The following KCNQ4 variants were observed in gnomAD, a reference collection of about 807,000 sequenced individuals.
KCNQ4 encodes potassium voltage-gated channel subfamily Q member 4, also known as potassium voltage-gated channel subfamily KQT member 4.
In KCNQ4, 31 loss-of-function variants were observed where a neutral mutation model predicts 72.6. That is an observed-to-expected ratio of 0.43 (90% confidence interval 0.32 to 0.58). KCNQ4 has a LOEUF of 0.58. Among genes scored for constraint, KCNQ4 ranks in the 20% least tolerant of loss-of-function variants. The pLI, the probability that KCNQ4 is intolerant of heterozygous loss-of-function variation, is 0.08. For synonymous variants in KCNQ4, 405 were observed against 403.7 expected, an observed-to-expected ratio of 1.00 and a Z score of -0.04; for missense variants, 869 against 962.6, an observed-to-expected ratio of 0.90 and a Z score of 1.29.
In KCNQ4 at chr1:40,838,298, G is replaced by A; in HGVS notation, c.1876-13G>A. Reference sequence around the variant, plus strand: ...GTCCCAGGCCCTGCTTCCCAGCTGCGCCCCGTCCCCAGGTGCAGTCCATCG... The same window carrying A: ...GTCCCAGGCCCTGCTTCCCAGCTGCACCCCGTCCCCAGGTGCAGTCCATCG... On this transcript the variant is annotated splice_polypyrimidine_tract_variant and intron_variant, in intron 13 of 13. Coordinates refer to ENST00000347132, the MANE Select transcript of KCNQ4 (RefSeq NM_004700.4). The A allele has an allele frequency of 1.2e-6, 2 of 1,611,564 alleles. No homozygotes were observed. The highest frequency in any genetic ancestry group is 1.7e-6 in the Non-Finnish European group (2 of 1,179,216).
At chr1:40,825,029 G>A (rs566941702) in intron 9 of KCNQ4, among the ~76,000 whole-genome samples, 1 of 152,198 alleles carries the variant, frequency 6.6e-6, no homozygotes, top group Admixed American at 6.5e-5. Flanking sequence ...CGTTCCTAAA[G>A]AGAAGAATTT....
At chr1:40,806,954 A>G (rs1647783192) in intron 1 of KCNQ4, among the ~76,000 whole-genome samples, 1 of 152,150 alleles carries the variant, frequency 6.6e-6, no homozygotes, top group African/African-American at 2.4e-5. Context: ...CTGTGGAGCC[A>G]ACCGCAGGGC....
intron 8 of KCNQ4, among the ~76,000 whole-genome samples, chr1:40,823,549 G>A (rs900654698): frequency 2.0e-5 from 3 of 152,204 alleles, no homozygotes; most frequent in Non-Finnish European, 4.4e-5. Context: ...CATGCAATGG[G>A]AAGGCAGGCA....
At position 40,818,496 on chromosome 1, in the gene KCNQ4, C is replaced by A. The variant is rs1427974129; in HGVS notation, c.533-9C>A. On this transcript the variant is annotated splice_polypyrimidine_tract_variant and intron_variant, in intron 3 of 13. Transcript: ENST00000347132. Reference sequence around the variant, plus strand: ...GCTGGCTGTGATCTCGCCGCCCCCGCCCCTGCAGACTTCATCGTGTTCGTG... The same window carrying A: ...GCTGGCTGTGATCTCGCCGCCCCCGACCCTGCAGACTTCATCGTGTTCGTG... 1 of 1,600,530 alleles carries A rather than the reference C, an allele frequency of 6.2e-7. No homozygotes were observed. The highest frequency in any genetic ancestry group is 1.7e-5 in the Admixed American group (1 of 60,000).
intron 11 of KCNQ4, 141 bp downstream of exon 11, chr1:40,833,254 C>G (rs1648710278): frequency 3.1e-6 from 2 of 648,960 alleles, no homozygotes; most frequent in Admixed American, 4.2e-5. Flanking sequence ...ACTAAAAATA[C>G]AAAAAATTAG....
intron 1 of KCNQ4, among the ~76,000 whole-genome samples, chr1:40,802,632 G>A (rs996323212): frequency 6.6e-6 from 1 of 152,116 alleles, no homozygotes; most frequent in Non-Finnish European, 1.5e-5. Context: ...AGGAGAAGGA[G>A]CCCGGGCGGG....
intron 1 of KCNQ4, among the ~76,000 whole-genome samples, chr1:40,812,834 G>A (rs2148313397): frequency 6.6e-6 from 1 of 152,288 alleles, no homozygotes; most frequent in Non-Finnish European, 1.5e-5. Flanking sequence ...GTGTTTTGAT[G>A]TTTGGTTACA....
chr1:40,786,846 T>C (rs1453773556), intron 1 of KCNQ4, among the ~76,000 whole-genome samples: 1 of 151,930 alleles, frequency 6.6e-6, no homozygotes. Flanking sequence ...ACACAGAAGG[T>C]CTCTCCTGTT....
At chr1:40,808,139 C>T (rs1049318639) in intron 1 of KCNQ4, among the ~76,000 whole-genome samples, 1 of 152,028 alleles carries the variant, frequency 6.6e-6, no homozygotes, top group Admixed American at 6.5e-5. Context: ...CTGCTGGTGG[C>T]TGGGCAGTCC....
intron 1 of KCNQ4, among the ~76,000 whole-genome samples, chr1:40,787,525 T>A (rs990637926): frequency 6.6e-6 from 1 of 152,116 alleles, no homozygotes; most frequent in Admixed American, 6.5e-5. Context: ...GGTGGGAGAT[T>A]GCCTAGAGTA....
intron 1 of KCNQ4, among the ~76,000 whole-genome samples, chr1:40,811,440 G>A (rs1647927275): frequency 6.6e-6 from 1 of 152,176 alleles, no homozygotes; most frequent in Non-Finnish European, 1.5e-5. Context: ...TATCACCAGG[G>A]ACCTTTGTAG....
At chr1:40,833,484 A>G (rs1400533116) in intron 11 of KCNQ4, among the ~76,000 whole-genome samples, 1 of 152,034 alleles carries the variant, frequency 6.6e-6, no homozygotes, top group East Asian at 1.9e-4. Flanking sequence ...GGCTGTCTCC[A>G]TGCCTCAAAA....
At chr1:40,814,565 G>A (rs1648028364) in intron 1 of KCNQ4, among the ~76,000 whole-genome samples, 1 of 152,062 alleles carries the variant, frequency 6.6e-6, no homozygotes, top group African/African-American at 2.4e-5. Flanking sequence ...TTAGCCGGGT[G>A]TGGTGTCATG....
At chr1:40,818,032 A>G in intron 2 of KCNQ4, 132 bp from the exon 3 acceptor site, 2 of 1,212,360 alleles carry the variant, frequency 1.6e-6, no homozygotes, top group South Asian at 1.3e-5. Context: ...CGTCAAGTCC[A>G]GGAAACTCCA....
intron 4 of KCNQ4, 128 bp from the exon 5 acceptor site, chr1:40,819,219 C>A: frequency 8.7e-7 from 1 of 1,145,316 alleles, no homozygotes; most frequent in Non-Finnish European, 1.3e-6. Context: ...ATGGGAGGAG[C>A]TGAGAAAGAA....
At chr1:40,789,943 G>A (rs948247061) in intron 1 of KCNQ4, among the ~76,000 whole-genome samples, 4 of 152,354 alleles carry the variant, frequency 2.6e-5, no homozygotes, top group Admixed American at 1.3e-4. Flanking sequence ...TAGCACCAAT[G>A]TGGGTCTTTG....
chr1:40,785,432 C>T (rs1647192970), intron 1 of KCNQ4, among the ~76,000 whole-genome samples: 1 of 152,100 alleles, frequency 6.6e-6, no homozygotes, highest in African/African-American at 2.4e-5. Context: ...TTGCTGCCAC[C>T]AGAGAGGGCC....
intron 9 of KCNQ4, among the ~76,000 whole-genome samples, chr1:40,825,869 G>A (rs1648461599): frequency 6.6e-6 from 1 of 152,064 alleles, no homozygotes; most frequent in African/African-American, 2.4e-5. Context: ...ACTCCCCACG[G>A]CTCCTTTGGT....
chr1:40,834,814 G>T (rs1229843592), intron 11 of KCNQ4, among the ~76,000 whole-genome samples, 153 bp from the exon 12 acceptor site: 1 of 152,052 alleles, frequency 6.6e-6, no homozygotes, highest in Non-Finnish European at 1.5e-5. Context: ...CTTGGAGGTA[G>T]GGGAGGCTGG....
Sources: gnomAD v4.1 joint callset for allele counts (sites outside exome capture counted in the v4.1 genomes callset) on GRCh38, gnomAD v4.1.1 for gene constraint, MANE v1.5 for transcripts, NCBI Gene and HGNC (gene_info 2026-07-23, HGNC 2026-07-21) for gene names.